Variants in KALRN observed in about 807,000 individuals in gnomAD.
The protein encoded by KALRN is kalirin.
Under a neutral mutation model 353.7 loss-of-function variants are expected in KALRN, and 70 were observed. The observed-to-expected ratio is 0.20, with a 90% CI of 0.16 to 0.24. The LOEUF (loss-of-function observed/expected upper bound fraction) is 0.24, where lower values mean the gene tolerates loss of function less well. KALRN is among the 10% of genes least tolerant of loss of function. The probability of loss-of-function intolerance (pLI) is 1.00; values close to 1 mark genes in which losing one functional copy is unlikely to be tolerated. For missense variants in KALRN, 2,791 were observed against 3,756.7 expected (o/e 0.74, Z 6.72); for synonymous variants, 1,391 against 1,434.8 (o/e 0.97, Z 0.69).
In KALRN at chr3:124,430,652, C is replaced by G. The variant is rs373402884; in HGVS notation, c.2710-4C>G. 1 of 1,613,756 alleles carries G rather than the reference C, an allele frequency of 6.2e-7. No individual in the cohort carries two copies. Among genetic ancestry groups the G allele is most frequent in the African/African-American group, 1.3e-5 (1 of 74,918 alleles). On this transcript the variant is annotated splice_polypyrimidine_tract_variant and splice_region_variant and intron_variant, in intron 15 of 59. Transcript: ENST00000682506. ...TCACCTGTGTGCTTGTCCCGATTCC[C>G]TAGGTTCTGGGATGGATCCGCAATG...
At position 124,488,071 on chromosome 3, in the gene KALRN, C is replaced by T. The variant is rs963394280; in HGVS notation, c.4285-133C>T. 4 of 575,034 alleles carry T rather than the reference C, an allele frequency of 7.0e-6. No homozygotes were observed. In the East Asian group the frequency reaches 8.6e-5, roughly 12 times the overall value. The allele number at this position is 575,034 out of a possible 1,614,324, so 35.6% of individuals were successfully genotyped here. A position where few individuals can be genotyped will look rare whatever the true frequency, so the allele number is the denominator to read the frequency against. ...CTTAGAGATAACCCCTTTTACCCCA[C>T]CTCACTTTCTTTATAGCTCAGAGGG... On this transcript the variant is annotated intron_variant, in intron 28 of 59. Coordinates refer to ENST00000682506, the MANE Select transcript of KALRN (RefSeq NM_001388419.1).
intron 1 of KALRN, among the ~76,000 whole-genome samples, chr3:124,216,270 A>G (rs1475314768): frequency 1.3e-5 from 2 of 152,216 alleles, no homozygotes; most frequent in African/African-American, 4.8e-5. Flanking sequence ...TTTCAGCTAA[A>G]CCGTGAGTGT....
intron 7 of KALRN, 52 bp from the exon 8 acceptor site, chr3:124,329,809 A>G (rs1456143433): frequency 1.3e-6 from 2 of 1,587,174 alleles, no homozygotes; most frequent in Non-Finnish European, 1.7e-6. Context: ...TAATCCACCC[A>G]ACTCCTCACC....
rs767217059 is a variant in KALRN, at chr3:124,720,885, C to T, written c.*1415C>T. On this transcript the variant is annotated 3_prime_UTR_variant, in exon 60 of 60. Coordinates refer to ENST00000682506, the MANE Select transcript of KALRN (RefSeq NM_001388419.1). Reference sequence around the variant, plus strand: ...TTGTTTTTTGTGTTTGTACATGATCCACCCTTAGTTTTCTAGAATGTGTGT... The same window carrying T: ...TTGTTTTTTGTGTTTGTACATGATCTACCCTTAGTTTTCTAGAATGTGTGT... 3.9e-5 allele frequency: 6 copies of T among 152,004 alleles called. No individual in the cohort carries two copies. Among genetic ancestry groups the T allele is most frequent in the Non-Finnish European group, 8.8e-5 (6 of 67,996 alleles). 9.4% of individuals were successfully genotyped at this position (152,004 alleles called of 1,614,324 possible). A position where few individuals can be genotyped will look rare whatever the true frequency, so the allele number is the denominator to read the frequency against.
intron 15 of KALRN, 39 bp downstream of exon 15, chr3:124,423,017 G>T (rs1186560299): frequency 6.2e-7 from 1 of 1,602,016 alleles, no homozygotes; most frequent in South Asian, 1.1e-5. Flanking sequence ...GGGTTTCTCA[G>T]CCAGCTGAGC....
chr3:124,680,224 C>T (rs541367824), intron 51 of KALRN, among the ~76,000 whole-genome samples: 1 of 152,342 alleles, frequency 6.6e-6, no homozygotes, highest in South Asian at 2.1e-4. Flanking sequence ...GAAACACTGC[C>T]CAGGGGACAT....
At chr3:124,128,556 C>T (rs1434579336) in intron 1 of KALRN, among the ~76,000 whole-genome samples, 4 of 152,114 alleles carry the variant, frequency 2.6e-5, no homozygotes, top group Non-Finnish European at 5.9e-5. Context: ...CAAATGTTCC[C>T]TCTGAGTTGA....
intron 10 of KALRN, among the ~76,000 whole-genome samples, chr3:124,356,527 T>C (rs1403763853): frequency 6.6e-6 from 1 of 151,802 alleles, no homozygotes; most frequent in African/African-American, 2.4e-5. Context: ...AGAGGCAGAG[T>C]TTTGCCATGT....
At chr3:124,461,704 C>A (rs1379421301) in intron 23 of KALRN, among the ~76,000 whole-genome samples, 186 bp from the exon 24 acceptor site, 1 of 151,908 alleles carries the variant, frequency 6.6e-6, no homozygotes, top group Non-Finnish European at 1.5e-5. Context: ...CAGGAAATAT[C>A]ACAAGTATCA....
At chr3:124,409,586 C>G (rs1306419364) in intron 13 of KALRN, among the ~76,000 whole-genome samples, 1 of 152,166 alleles carries the variant, frequency 6.6e-6, no homozygotes, top group Non-Finnish European at 1.5e-5. Context: ...AGAACTTGCT[C>G]TCAGCATCAG....
chr3:124,607,412 G>A (rs1218379442), intron 34 of KALRN, among the ~76,000 whole-genome samples: 1 of 152,252 alleles, frequency 6.6e-6, no homozygotes, highest in Non-Finnish European at 1.5e-5. Context: ...AGGTAGCAGA[G>A]TAGAATTGAT....
At chr3:124,614,279 T>C (rs1578353537) in intron 34 of KALRN, among the ~76,000 whole-genome samples, 1 of 140,184 alleles carries the variant, frequency 7.1e-6, no homozygotes, top group Non-Finnish European at 1.6e-5. Flanking sequence ...TTTATTTATT[T>C]ATTTATTGAG....
At chr3:124,399,110 T>C (rs2090533189) in intron 13 of KALRN, among the ~76,000 whole-genome samples, 1 of 151,342 alleles carries the variant, frequency 6.6e-6, no homozygotes, top group Admixed American at 6.6e-5. Flanking sequence ...TGAGAAGTTT[T>C]TTTTGTTTGT....
chr3:124,261,997 C>A (rs1353895520), intron 3 of KALRN, among the ~76,000 whole-genome samples: 1 of 151,936 alleles, frequency 6.6e-6, no homozygotes, highest in Non-Finnish European at 1.5e-5. Context: ...AACTAGTAAT[C>A]AAAGAAATGC....
chr3:124,268,206 T>C (rs2073787218), intron 4 of KALRN, among the ~76,000 whole-genome samples: 6 of 152,188 alleles, frequency 3.9e-5, no homozygotes, highest in Admixed American at 3.9e-4. Flanking sequence ...CAGACTCCCC[T>C]GTTGCCCATC....
intron 1 of KALRN, among the ~76,000 whole-genome samples, chr3:124,203,229 A>C (rs547712696): frequency 6.6e-6 from 1 of 152,124 alleles, no homozygotes; most frequent in Non-Finnish European, 1.5e-5. Context: ...AGGGAGGGAA[A>C]GCTCCCAGGG....
At chr3:124,487,497 A>G (rs1303728252) in intron 28 of KALRN, among the ~76,000 whole-genome samples, 1 of 152,230 alleles carries the variant, frequency 6.6e-6, no homozygotes, top group Non-Finnish European at 1.5e-5. Context: ...ACCTGGATTC[A>G]GGCCCCTGCA....
chr3:124,055,541 AT>A (rs1200557847), intron 1 of KALRN, among the ~76,000 whole-genome samples: 1 of 152,110 alleles, frequency 6.6e-6, no homozygotes, highest in Non-Finnish European at 1.5e-5. Flanking sequence ...GACCACCTTA[AT>A]TACTCTATCT....
chr3:124,635,629 A>G (rs568656572), intron 36 of KALRN, among the ~76,000 whole-genome samples: 8 of 152,254 alleles, frequency 5.3e-5, no homozygotes, highest in African/African-American at 1.7e-4. Context: ...TTTTTACAAC[A>G]CTGTCAAAGG....
Sources: gnomAD v4.1 joint callset for allele counts (sites outside exome capture counted in the v4.1 genomes callset) on GRCh38, gnomAD v4.1.1 for gene constraint, MANE v1.5 for transcripts, NCBI Gene and HGNC (gene_info 2026-07-23, HGNC 2026-07-21) for gene names.